SLX9: variants seen among roughly 807,000 people sequenced by gnomAD.
SLX9 encodes SLX9 ribosome biogenesis factor.
SLX9 carries 19 observed loss-of-function variants against 20.8 expected under a neutral mutation model. That is an observed-to-expected ratio of 0.91 (90% CI 0.64 to 1.34). The LOEUF (loss-of-function observed/expected upper bound fraction) is 1.34. Ranked by LOEUF, SLX9 falls within the 40% of genes most tolerant of loss-of-function variation. The pLI is 0.00. For missense variants in SLX9, 299 were observed against 322.2 expected, an observed-to-expected ratio of 0.93 and a Z score of 0.55; for synonymous variants, 113 against 137.1, an observed-to-expected ratio of 0.82 and a Z score of 1.23.
intron 2 of SLX9, among the ~76,000 whole-genome samples, chr21:44,948,528 C>T (rs980201439): frequency 6.6e-6 from 1 of 152,192 alleles, no homozygotes; most frequent in Non-Finnish European, 1.5e-5. Flanking sequence ...GCACTTGGGA[C>T]TCAAGCTCAG....
At chr21:44,973,434 A>G (rs1297287640) in intron 5 of SLX9, among the ~76,000 whole-genome samples, 169 bp downstream of exon 5, 137 of 47,446 alleles carry the variant, frequency 2.9e-3, no homozygotes, top group African/African-American at 7.3e-3. Context: ...TTCAGCTCCT[A>G]TGTGCCCTCA....
chr21:44,968,782 C>T (rs1228763471), intron 4 of SLX9, among the ~76,000 whole-genome samples: 2 of 150,018 alleles, frequency 1.3e-5, no homozygotes, highest in African/African-American at 2.5e-5. Flanking sequence ...GAGACGGAGC[C>T]TTGCTCTGTC....
intron 3 of SLX9, among the ~76,000 whole-genome samples, chr21:44,966,448 T>C (rs1252660721): frequency 6.6e-6 from 1 of 152,142 alleles, no homozygotes; most frequent in Non-Finnish European, 1.5e-5. Context: ...CTCTTAGCAG[T>C]TTTGAGATAA....
intron 2 of SLX9, among the ~76,000 whole-genome samples, chr21:44,944,995 A>C (rs2084616648): frequency 1.3e-5 from 2 of 152,228 alleles, no homozygotes; most frequent in South Asian, 4.1e-4. Flanking sequence ...CCCGCTCTGC[A>C]TCTGTTGAAC....
At chr21:44,972,239 C>G (rs2085164454) in intron 4 of SLX9, among the ~76,000 whole-genome samples, 1 of 152,286 alleles carries the variant, frequency 6.6e-6, no homozygotes, top group South Asian at 2.1e-4. Context: ...TGCGGGTTCT[C>G]TGTTCCTTTT....
chr21:44,950,910 G>A (rs1249706745), intron 2 of SLX9, among the ~76,000 whole-genome samples: 1 of 152,174 alleles, frequency 6.6e-6, no homozygotes, highest in Non-Finnish European at 1.5e-5. Context: ...AGAACTTTGA[G>A]CACAGAGACT....
intron 1 of SLX9, among the ~76,000 whole-genome samples, chr21:44,940,875 T>C (rs2084532663): frequency 6.6e-6 from 1 of 152,192 alleles, no homozygotes; most frequent in Admixed American, 6.5e-5. Context: ...GATACTTCCA[T>C]TATAAATATG....
At position 44,954,306 on chromosome 21, in the gene SLX9, G is replaced by A. The variant is rs142747793; in HGVS notation, c.284-5794G>A. On this transcript the variant is annotated intron_variant, in intron 2 of 5. Transcript: ENST00000291634. ...GGTTGCTGAGGGGAGCAGAGGGGCC[G>A]AGCGTTGTGTGGGTGCCGTGCACAG... Among the ~76,000 whole-genome samples, 532 of 152,308 alleles carry A rather than the reference G, an allele frequency of 3.5e-3. 7 individuals carry two copies. The highest frequency in any genetic ancestry group is 6.8e-3 in the Middle Eastern group (2 of 294).
chr21:44,941,888 C>G lies in SLX9; in HGVS notation c.129+1702C>G, dbSNP rs562026306. ...TTAGGCGTGAGAGCCCTCACACGAG[C>G]TGCAGACAAGGCGAGTCCCTTCTGG... On this transcript the variant is annotated intron_variant, in intron 1 of 5. Transcript: ENST00000291634. Among the ~76,000 whole-genome samples the G allele has an allele frequency of 3.9e-5, 6 of 152,296 alleles. No homozygotes were observed. The South Asian group carries it at 1.2e-3, about 32-fold the overall frequency.
At chr21:44,954,252 C>G (rs1394843574) in intron 2 of SLX9, among the ~76,000 whole-genome samples, 1 of 152,170 alleles carries the variant, frequency 6.6e-6, no homozygotes, top group Non-Finnish European at 1.5e-5. Flanking sequence ...AAGGCCAGAT[C>G]CCGTGGACTC....
intron 2 of SLX9, among the ~76,000 whole-genome samples, chr21:44,959,576 TGA>T (rs1168620185): frequency 6.6e-6 from 1 of 152,188 alleles, no homozygotes; most frequent in South Asian, 2.1e-4. Context: ...GGAGGCTCCC[TGA>T]GAGGGCCGCT....
At chr21:44,949,194 T>C (rs1206720644) in intron 2 of SLX9, among the ~76,000 whole-genome samples, 1 of 152,190 alleles carries the variant, frequency 6.6e-6, no homozygotes, top group African/African-American at 2.4e-5. Flanking sequence ...CCGACTTGGC[T>C]GCTGCTTGCT....
At chr21:44,964,412 G>A (rs1344260043) in intron 3 of SLX9, among the ~76,000 whole-genome samples, 1 of 152,086 alleles carries the variant, frequency 6.6e-6, no homozygotes, top group East Asian at 1.9e-4. Flanking sequence ...TTGCCTTTAT[G>A]AGGACAAGCT....
intron 5 of SLX9, among the ~76,000 whole-genome samples, chr21:44,973,528 T>C (rs1326155777): frequency 2.6e-5 from 1 of 38,118 alleles, no homozygotes; most frequent in African/African-American, 1.2e-4. Context: ...CTGAGTGCCC[T>C]CACCCCGCCC....
intron 2 of SLX9, among the ~76,000 whole-genome samples, chr21:44,951,676 C>G (rs1050580542): frequency 6.6e-6 from 1 of 152,160 alleles, no homozygotes; most frequent in African/African-American, 2.4e-5. Flanking sequence ...CGGAGCCGCC[C>G]GAGCGCGCTG....
At chr21:44,976,187 TG>T (rs2085258480) in intron 5 of SLX9, among the ~76,000 whole-genome samples, 1 of 152,226 alleles carries the variant, frequency 6.6e-6, no homozygotes, top group African/African-American at 2.4e-5. Flanking sequence ...GGGTGGCGGC[TG>T]GGGTGAGCTG....
chr21:44,976,838 A>T lies in SLX9; in HGVS notation c.*35A>T. On this transcript the variant is annotated 3_prime_UTR_variant, in exon 6 of 6. Coordinates refer to ENST00000291634, the MANE Select transcript of SLX9 (RefSeq NM_058190.4). ...CGGGCATGCCACAACTCCTCAGGAC[A>T]CATGTGGGCCAAGTAGAGAGCGCCG... 10 of 1,539,404 alleles carry T rather than the reference A, an allele frequency of 6.5e-6. No individual in the cohort carries two copies. The highest frequency in any genetic ancestry group is 8.7e-6 in the Non-Finnish European group (10 of 1,148,074).
At position 44,943,608 on chromosome 21, in the gene SLX9, A is replaced by G. The variant is rs2084588348; in HGVS notation, c.130-76A>G. 7.0e-6 allele frequency: 11 copies of G among 1,566,516 alleles called. No homozygotes were observed. In the South Asian group the frequency reaches 1.3e-4, roughly 18 times the overall value. ...GGTTCTTGTCTTGCATCTTCTCCTC[A>G]CCTTTAACGTCCCTCTGAAACCACA... is the stretch of plus-strand genomic sequence containing the variant. On this transcript the variant is annotated intron_variant, in intron 1 of 5. Transcript: ENST00000291634.
At chr21:44,946,105 C>T (rs1489804907) in intron 2 of SLX9, among the ~76,000 whole-genome samples, 1 of 152,212 alleles carries the variant, frequency 6.6e-6, no homozygotes, top group Non-Finnish European at 1.5e-5. Flanking sequence ...GAAGCTTGAA[C>T]TTTACAATGT....
Sources: allele counts gnomAD v4.1 joint callset (sites outside exome capture counted in the v4.1 genomes callset), GRCh38; gene constraint gnomAD v4.1.1; transcripts MANE v1.5; gene names NCBI Gene and HGNC (gene_info 2026-07-23, HGNC 2026-07-21).